The following FMN2 variants were observed in gnomAD, a reference collection of about 807,000 sequenced individuals.
The protein encoded by FMN2 is formin-2.
Under a neutral mutation model 142.3 loss-of-function variants are expected in FMN2, and 51 were observed. The ratio of observed to expected loss-of-function variants is 0.36; its 90% confidence interval spans 0.29 to 0.45. The LOEUF (loss-of-function observed/expected upper bound fraction) is 0.45. FMN2 is among the 20% of genes least tolerant of loss of function. The pLI is 1.00. For missense variants in FMN2, 1,936 were observed against 2,122.8 expected, an observed-to-expected ratio of 0.91 and a Z score of 1.73; for synonymous variants, 882 against 869.8, an observed-to-expected ratio of 1.01 and a Z score of -0.25.
intron 8 of FMN2, among the ~76,000 whole-genome samples, chr1:240,323,283 C>A (rs567858377): frequency 6.6e-6 from 1 of 152,132 alleles, no homozygotes; most frequent in African/African-American, 2.4e-5. Flanking sequence ...CAACCTGCAC[C>A]TCCCAGGTCC....
At chr1:240,115,316 C>T (rs1661979319) in intron 1 of FMN2, among the ~76,000 whole-genome samples, 1 of 151,968 alleles carries the variant, frequency 6.6e-6, no homozygotes, top group African/African-American at 2.4e-5. Context: ...TATTAATAAT[C>T]TATTTGTTAT....
At chr1:240,345,539 C>T (rs560175651) in intron 13 of FMN2, among the ~76,000 whole-genome samples, 26 of 152,062 alleles carry the variant, frequency 1.7e-4, no homozygotes, top group Non-Finnish European at 3.5e-4. Context: ...GGCCTGATCT[C>T]GACTCACTGC....
At chr1:240,308,540 T>C (rs1670493077) in intron 8 of FMN2, among the ~76,000 whole-genome samples, 1 of 152,170 alleles carries the variant, frequency 6.6e-6, no homozygotes, top group South Asian at 2.1e-4. Context: ...GGGGCTTTAC[T>C]GGCCCAACCA....
At chr1:240,432,775 C>A (rs1283522635) in intron 15 of FMN2, among the ~76,000 whole-genome samples, 1 of 151,798 alleles carries the variant, frequency 6.6e-6, no homozygotes, top group Non-Finnish European at 1.5e-5. Flanking sequence ...TGCTTAATTG[C>A]CAAATTGGAT....
Position 240,291,144 on chromosome 1 carries a change from GGTT to G in FMN2, c.4154-3674_4154-3672del, listed in dbSNP as rs369233290. Among the ~76,000 whole-genome samples, 112 of 152,116 alleles carry G rather than the reference GGTT, an allele frequency of 7.4e-4. 1 individual carries two copies. Among genetic ancestry groups the G allele is most frequent in the African/African-American group, 2.7e-3 (110 of 41,504 alleles). Reference sequence around the variant, plus strand: ...GATTAGTAACACGTGGTCATTTGTAGGTTGTTTAAAGGAAGTGGTAAATATCTC... The same window carrying G: ...GATTAGTAACACGTGGTCATTTGTAGGTTTAAAGGAAGTGGTAAATATCTC... On this transcript the variant is annotated intron_variant, in intron 7 of 17. Coordinates refer to ENST00000319653, the MANE Select transcript of FMN2 (RefSeq NM_020066.5).
chr1:240,251,223 C>G (rs1033225377), intron 6 of FMN2, among the ~76,000 whole-genome samples: 2 of 151,624 alleles, frequency 1.3e-5, no homozygotes, highest in African/African-American at 4.8e-5. Flanking sequence ...TTTAAGCTTT[C>G]CTTTTAGTAC....
chr1:240,444,063 G>T (rs576152251), intron 16 of FMN2, among the ~76,000 whole-genome samples: 1 of 152,262 alleles, frequency 6.6e-6, no homozygotes, highest in East Asian at 1.9e-4. Flanking sequence ...TGGGAAAGGA[G>T]GGTTAGGCTT....
intron 6 of FMN2, among the ~76,000 whole-genome samples, chr1:240,225,434 G>C (rs1272357901): frequency 6.6e-6 from 1 of 152,196 alleles, no homozygotes; most frequent in Non-Finnish European, 1.5e-5. Context: ...AGGTAGCCAG[G>C]CTGAAAGATT....
At chr1:240,343,629 G>C (rs1671812685) in intron 13 of FMN2, among the ~76,000 whole-genome samples, 1 of 152,130 alleles carries the variant, frequency 6.6e-6, no homozygotes, top group Admixed American at 6.6e-5. Flanking sequence ...AGTACCATGA[G>C]AACTGAGCCA....
chr1:240,143,498 T>C, intron 2 of FMN2: 2 of 1,566,442 alleles, frequency 1.3e-6, no homozygotes, highest in Non-Finnish European at 1.8e-6. Context: ...TTCTTGCCTT[T>C]GTCTTCCTCC....
intron 2 of FMN2, among the ~76,000 whole-genome samples, chr1:240,125,164 C>T (rs1662447586): frequency 6.6e-6 from 1 of 152,188 alleles, no homozygotes. Context: ...CTTCTTTACC[C>T]ATTACAGCCT....
At chr1:240,397,315 A>C (rs1231078086) in intron 15 of FMN2, among the ~76,000 whole-genome samples, 1 of 151,844 alleles carries the variant, frequency 6.6e-6, no homozygotes, top group Admixed American at 6.6e-5. Context: ...TTGCTTGTTG[A>C]TTTGTTTAAG....
In FMN2 at chr1:240,447,271, T is replaced by C. The variant is rs531124349; in HGVS notation, c.5060+9061T>C. Among the ~76,000 whole-genome samples, 17 of 152,260 alleles carry C rather than the reference T, an allele frequency of 1.1e-4. No individual in the cohort carries two copies. In the South Asian group the frequency reaches 3.5e-3, roughly 32 times the overall value. On this transcript the variant is annotated intron_variant, in intron 16 of 17. Coordinates refer to ENST00000319653, the MANE Select transcript of FMN2 (RefSeq NM_020066.5). ...TGGGTCTGTGTGTGTTGGGGGATGTTGGGAGGTTGGATACCAAGAATGGAC... is the reference window on the plus strand; with the variant it reads ...TGGGTCTGTGTGTGTTGGGGGATGTCGGGAGGTTGGATACCAAGAATGGAC...
At chr1:240,285,591 C>T (rs1307213235) in intron 7 of FMN2, among the ~76,000 whole-genome samples, 1 of 151,926 alleles carries the variant, frequency 6.6e-6, no homozygotes, top group African/African-American at 2.4e-5. Context: ...GAGAAAGAGC[C>T]AGCAGGGGAG....
intron 15 of FMN2, among the ~76,000 whole-genome samples, chr1:240,402,503 T>C (rs1292498663): frequency 6.6e-6 from 1 of 152,256 alleles, no homozygotes; most frequent in African/African-American, 2.4e-5. Context: ...GCAAAGCAGA[T>C]GAATATATTC....
intron 2 of FMN2, among the ~76,000 whole-genome samples, chr1:240,149,935 C>A (rs1663693212): frequency 6.6e-6 from 1 of 151,796 alleles, no homozygotes; most frequent in African/African-American, 2.4e-5. Flanking sequence ...CAGGTGAAAA[C>A]AAATATGGTT....
At chr1:240,386,547 A>T (rs1267266669) in intron 14 of FMN2, among the ~76,000 whole-genome samples, 2 of 152,184 alleles carry the variant, frequency 1.3e-5, no homozygotes, top group African/African-American at 2.4e-5. Flanking sequence ...ACTCATAGCC[A>T]TTTGGAACAA....
chr1:240,380,943 C>T (rs1178885602), intron 14 of FMN2, among the ~76,000 whole-genome samples: 1 of 152,032 alleles, frequency 6.6e-6, no homozygotes, highest in African/African-American at 2.4e-5. Flanking sequence ...TCATCAGAGA[C>T]TATTATGAGC....
chr1:240,170,546 G>A (rs1664660364), intron 2 of FMN2: 6 of 1,559,206 alleles, frequency 3.8e-6, no homozygotes, highest in Non-Finnish European at 5.3e-6. Context: ...GTGCCAGATG[G>A]TACCAGCAGA....
Sources: gnomAD v4.1 joint callset for allele counts (sites outside exome capture counted in the v4.1 genomes callset) on GRCh38, gnomAD v4.1.1 for gene constraint, MANE v1.5 for transcripts, NCBI Gene and HGNC (gene_info 2026-07-23, HGNC 2026-07-21) for gene names.